LRRTM3: variants seen among roughly 807,000 people sequenced by gnomAD.
The protein encoded by LRRTM3 is leucine rich repeat transmembrane neuronal 3, also known as leucine-rich repeat transmembrane neuronal protein 3.
A neutral mutation model predicts 44.7 loss-of-function variants in LRRTM3; 24 were observed. The observed-to-expected ratio is 0.54, with a 90% CI of 0.39 to 0.76. The LOEUF is 0.76. Among genes scored for constraint, LRRTM3 ranks in the 30% least tolerant of loss-of-function variants. The probability of loss-of-function intolerance (pLI) is 0.00; values close to 1 mark genes in which losing one functional copy is unlikely to be tolerated. For synonymous variants in LRRTM3, 277 were observed against 278.7 expected (o/e 0.99, Z 0.06); for missense variants, 587 against 702.2 (o/e 0.84, Z 1.85).
intron 2 of LRRTM3, among the ~76,000 whole-genome samples, chr10:67,067,051 A>C (rs1000782315): frequency 1.3e-5 from 2 of 152,184 alleles, no homozygotes; most frequent in Non-Finnish European, 2.9e-5. Flanking sequence ...AGTGGCAACC[A>C]CTTCTGAATG....
At chr10:66,993,246 G>A (rs968576098) in intron 2 of LRRTM3, among the ~76,000 whole-genome samples, 3 of 152,134 alleles carry the variant, frequency 2.0e-5, no homozygotes, top group Non-Finnish European at 4.4e-5. Flanking sequence ...AGCATGATAG[G>A]TGGGATCCAA....
chr10:67,037,872 A>G (rs1200532407), intron 2 of LRRTM3, among the ~76,000 whole-genome samples: 1 of 152,156 alleles, frequency 6.6e-6, no homozygotes, highest in African/African-American at 2.4e-5. Context: ...GATATTATGG[A>G]AACCCAGAGA....
At chr10:67,093,700 G>A (rs1289032767) in intron 2 of LRRTM3, among the ~76,000 whole-genome samples, 2 of 151,946 alleles carry the variant, frequency 1.3e-5, no homozygotes, top group African/African-American at 2.4e-5. Flanking sequence ...TGAATTCACA[G>A]TCGTTGCCCA....
intron 2 of LRRTM3, among the ~76,000 whole-genome samples, chr10:66,939,557 A>C (rs1385836728): frequency 6.6e-6 from 1 of 152,226 alleles, no homozygotes; most frequent in Non-Finnish European, 1.5e-5. Flanking sequence ...TGTAAATTAT[A>C]GTTTAATTTT....
chr10:67,045,602 G>A (rs558761779), intron 2 of LRRTM3, among the ~76,000 whole-genome samples: 20 of 152,284 alleles, frequency 1.3e-4, no homozygotes, highest in East Asian at 5.8e-4. Context: ...ACGGGCAAGG[G>A]GGCAGCTGCC....
Position 66,979,404 on chromosome 10 carries a change from C to T in LRRTM3, c.1536+50952C>T, listed in dbSNP as rs187957162. Among the ~76,000 whole-genome samples, 180 of 152,184 alleles carry T rather than the reference C, an allele frequency of 1.2e-3. 1 individual carries two copies. Among genetic ancestry groups the T allele is most frequent in the African/African-American group, 4.2e-3 (173 of 41,518 alleles). On this transcript the variant is annotated intron_variant, in intron 2 of 2. Coordinates refer to ENST00000361320, the MANE Select transcript of LRRTM3 (RefSeq NM_178011.5). ...AGAACACACCTATGGAAGTTTTCCTCATTTTTATGTATATTTATATTAAAA... is the reference window on the plus strand; with the variant it reads ...AGAACACACCTATGGAAGTTTTCCTTATTTTTATGTATATTTATATTAAAA...
At chr10:67,069,699 T>C (rs1241113969) in intron 2 of LRRTM3, among the ~76,000 whole-genome samples, 1 of 151,844 alleles carries the variant, frequency 6.6e-6, no homozygotes, top group East Asian at 1.9e-4. Flanking sequence ...TGTCTGAATG[T>C]TGTGTCTCAC....
intron 2 of LRRTM3, among the ~76,000 whole-genome samples, chr10:67,050,977 C>A (rs368842406): frequency 6.6e-6 from 1 of 152,104 alleles, no homozygotes; most frequent in South Asian, 2.1e-4. Context: ...CCCACAACAA[C>A]AAATATTTAT....
At chr10:67,021,627 G>T (rs1853022572) in intron 2 of LRRTM3, among the ~76,000 whole-genome samples, 1 of 152,086 alleles carries the variant, frequency 6.6e-6, no homozygotes, top group East Asian at 1.9e-4. Flanking sequence ...GAATAAAATT[G>T]TATCTATACT....
At chr10:66,957,517 T>C (rs1324740482) in intron 2 of LRRTM3, among the ~76,000 whole-genome samples, 1 of 150,406 alleles carries the variant, frequency 6.6e-6, no homozygotes, top group Non-Finnish European at 1.5e-5. Context: ...CTCTTGGGCA[T>C]AGTGGGAAGG....
At chr10:66,958,508 CT>C (rs1235782432) in intron 2 of LRRTM3, among the ~76,000 whole-genome samples, 11 of 152,092 alleles carry the variant, frequency 7.2e-5, no homozygotes, top group African/African-American at 2.7e-4. Flanking sequence ...TTAGCTATCT[CT>C]TTGTCACAAA....
chr10:67,072,185 C>T (rs965533522), intron 2 of LRRTM3, among the ~76,000 whole-genome samples: 2 of 152,182 alleles, frequency 1.3e-5, no homozygotes, highest in African/African-American at 4.8e-5. Context: ...AACTGCTGGC[C>T]TCAAGTGATC....
At position 66,926,473 on chromosome 10, in the gene LRRTM3, T is replaced by C; in HGVS notation, c.-111T>C. ...TCCCAAGGGGTCCAATTTTTCTTCC[T>C]GGGTGTCAGCGAGCCCTGACTCACT... On this transcript the variant is annotated 5_prime_UTR_variant, in exon 1 of 3. Transcript: ENST00000361320. 7.9e-7 allele frequency: 1 copy of C among 1,272,130 alleles called. No homozygotes were observed. Among genetic ancestry groups the C allele is most frequent in the Non-Finnish European group, 1.1e-6 (1 of 892,692 alleles). 78.8% of individuals were successfully genotyped at this position (1,272,130 alleles called of 1,614,324 possible). A position where few individuals can be genotyped will look rare whatever the true frequency, so the allele number is the denominator to read the frequency against.
rs542755928 is a variant in LRRTM3 at position 66,963,904 on chromosome 10, G to A, written c.1536+35452G>A. Among the ~76,000 whole-genome samples, 79 of 151,174 alleles carry A rather than the reference G, an allele frequency of 5.2e-4. 1 individual carries two copies. Among genetic ancestry groups the A allele is most frequent in the African/African-American group, 1.7e-3 (68 of 41,138 alleles). ...TGTTGCCAGGCTGGAGTGCAGTGGC[G>A]CAATCTCGGTTCACTGAAACCTCCA... On this transcript the variant is annotated intron_variant, in intron 2 of 2. Transcript: ENST00000361320.
intron 2 of LRRTM3, 58 bp from the exon 3 acceptor site, chr10:67,097,529 T>G (rs1320201566): frequency 6.8e-7 from 1 of 1,479,700 alleles, no homozygotes; most frequent in East Asian, 2.3e-5. Flanking sequence ...CTCTAAATCT[T>G]TCCCCTAAAG....
chr10:67,006,680 A>G (rs1169013161), intron 2 of LRRTM3, among the ~76,000 whole-genome samples: 1 of 152,360 alleles, frequency 6.6e-6, no homozygotes, highest in Non-Finnish European at 1.5e-5. Context: ...TGATGCCATC[A>G]GCACACTATA....
chr10:66,978,542 A>AT (rs1554890292), intron 2 of LRRTM3, among the ~76,000 whole-genome samples: 1 of 68,640 alleles, frequency 1.5e-5, no homozygotes. Flanking sequence ...AAAAAAAAAA[A>AT]AAAAAAAAAA....
At chr10:67,021,705 T>C (rs1231090258) in intron 2 of LRRTM3, among the ~76,000 whole-genome samples, 1 of 152,110 alleles carries the variant, frequency 6.6e-6, no homozygotes, top group East Asian at 1.9e-4. Flanking sequence ...AAATTAAAAG[T>C]TGAGATACTA....
intron 2 of LRRTM3, among the ~76,000 whole-genome samples, chr10:66,978,356 T>C (rs1243156744): frequency 6.6e-6 from 1 of 151,032 alleles, no homozygotes; most frequent in Middle Eastern, 3.2e-3. Flanking sequence ...CAAAACCCTG[T>C]CTCTACTAAA....
Sources: gnomAD v4.1 joint callset for allele counts (sites outside exome capture counted in the v4.1 genomes callset) on GRCh38, gnomAD v4.1.1 for gene constraint, MANE v1.5 for transcripts, NCBI Gene and HGNC (gene_info 2026-07-23, HGNC 2026-07-21) for gene names.